AGAP3: variants seen among roughly 807,000 people sequenced by gnomAD.
AGAP3 encodes ArfGAP with GTPase domain, ankyrin repeat and PH domain 3.
AGAP3 carries 24 observed loss-of-function variants against 96.9 expected under a neutral mutation model. That is an observed-to-expected ratio of 0.25 (90% confidence interval 0.18 to 0.35). AGAP3 has a LOEUF of 0.35. AGAP3 is among the 10% of genes least tolerant of loss of function. The pLI, the probability that AGAP3 is intolerant of heterozygous loss-of-function variation, is 1.00. For synonymous variants in AGAP3, 563 were observed against 536.1 expected (o/e 1.05, Z -0.69); for missense variants, 876 against 1,254.2 (o/e 0.70, Z 4.55).
rs544588056 is a variant in AGAP3, at chr7:151,093,567, G to C, written c.331+6495G>C. ...CTGCCCGGCCTCCCCTCTCCTGGGA[G>C]GATCTGTGGTGAGCAGTCGGATGTG... On this transcript the variant is annotated intron_variant, in intron 1 of 17. Transcript: ENST00000397238. Among the ~76,000 whole-genome samples the C allele has an allele frequency of 5.9e-5, 9 of 152,342 alleles. No homozygotes were observed. In the East Asian group the frequency reaches 1.7e-3, roughly 29 times the overall value.
rs569877152 is a variant in AGAP3 at position 151,087,360 on chromosome 7, G to A, written c.331+288G>A. ...CCAGATCTGTCCAGGCCTGGCCGGGGAAGGTGGGCGCGGCAGAGGGCTTCA... is the reference window on the plus strand; with the variant it reads ...CCAGATCTGTCCAGGCCTGGCCGGGAAAGGTGGGCGCGGCAGAGGGCTTCA... On this transcript the variant is annotated intron_variant, in intron 1 of 17. Coordinates refer to ENST00000397238, the MANE Select transcript of AGAP3 (RefSeq NM_031946.7). Among the ~76,000 whole-genome samples, 23 of 152,330 alleles carry A rather than the reference G, an allele frequency of 1.5e-4. 1 individual carries two copies. The South Asian group carries it at 4.3e-3, about 29-fold the overall frequency.
chr7:151,112,304 G>A (rs960261542), intron 1 of AGAP3: 1 of 152,218 alleles, frequency 6.6e-6, no homozygotes, highest in African/African-American at 2.4e-5. Flanking sequence ...TTTCTCCTTG[G>A]ACTGATTCTG....
intron 1 of AGAP3, among the ~76,000 whole-genome samples, chr7:151,100,070 G>A (rs543973897): frequency 6.6e-6 from 1 of 152,340 alleles, no homozygotes; most frequent in South Asian, 2.1e-4. Context: ...TGAATGTCGG[G>A]AAGGACCCGG....
intron 10 of AGAP3, among the ~76,000 whole-genome samples, chr7:151,129,565 G>A (rs1362819943): frequency 9.2e-5 from 14 of 152,172 alleles, no homozygotes. Context: ...TCAGCTCAGG[G>A]GACAATGCCA....
Position 151,118,618 on chromosome 7 carries a change from G to A in AGAP3, c.955G>A (p.Val319Met), listed in dbSNP as rs61741392. 949 of 1,613,288 alleles carry A rather than the reference G, an allele frequency of 5.9e-4. 8 individuals carry two copies. The African/African-American group carries it at 0.01, about 18-fold the overall frequency. Residue 319 changes from valine (V) to methionine (M), a missense_variant, in exon 7 of 18, where the codon GTG becomes ATG. This residue lies in a region of AGAP3 where 100 missense variants were observed against 129.4 expected (regional missense o/e 0.77). Coordinates refer to ENST00000397238, the MANE Select transcript of AGAP3 (RefSeq NM_031946.7). The surrounding 1 kb of genome is among the most constrained non-coding windows in gnomAD (Gnocchi z 6.1). ...SAVSAASIPAVHINQATNGGG... is the reference protein window; with the variant it reads ...SAVSAASIPAMHINQATNGGG... ...CGTGTCCGCCGCCTCCATCCCGGCC[G>A]TGCACATCAACCAGGTTCGGCCTGT...
At position 151,094,363 on chromosome 7, in the gene AGAP3, G is replaced by A. The variant is rs114197713; in HGVS notation, c.331+7291G>A. ...TCTGGGGTCGGCACATTTTTAGGAC[G>A]TTTGCGGCACTCTGGCACCCTGCCC... is the stretch of plus-strand genomic sequence containing the variant. On this transcript the variant is annotated intron_variant, in intron 1 of 17. Coordinates refer to ENST00000397238, the MANE Select transcript of AGAP3 (RefSeq NM_031946.7). 2.4e-3 allele frequency among the ~76,000 whole-genome samples: 364 copies of A among 151,878 alleles called. 2 individuals are homozygous for A. Among genetic ancestry groups the A allele is most frequent in the African/African-American group, 8.1e-3 (337 of 41,406 alleles).
chr7:151,098,994 C>T (rs981757384), intron 1 of AGAP3, among the ~76,000 whole-genome samples: 23 of 151,814 alleles, frequency 1.5e-4, no homozygotes, highest in Admixed American at 1.3e-3. Context: ...CCTTGGCCTC[C>T]CAAAGCGCTG....
Position 151,138,153 on chromosome 7 carries a change from C to G in AGAP3, c.1506C>G (p.His502Gln), listed in dbSNP as rs780255972. The G allele has an allele frequency of 1.3e-6, 2 of 1,599,674 alleles. No homozygotes were observed. The highest frequency in any genetic ancestry group is 4.5e-5 in the East Asian group (2 of 44,082). ...CCTTCCCGCCCCCAGGTGCCCCCCACTCGGCCAGCAGCGCATCCCTGCACT... is the reference window on the plus strand; with the variant it reads ...CCTTCCCGCCCCCAGGTGCCCCCCAGTCGGCCAGCAGCGCATCCCTGCACT... Reference protein sequence around the residue: ...TQLGGGTGAPHSASSASLHSE... With the variant: ...TQLGGGTGAPQSASSASLHSE... Residue 502 changes from histidine (H) to glutamine (Q), a missense_variant, in exon 12 of 18, where the codon CAC becomes CAG. Transcript: ENST00000397238.
At chr7:151,137,862 A>G (rs1245925924) in intron 11 of AGAP3, 1 of 474,462 alleles carries the variant, frequency 2.1e-6, no homozygotes, top group East Asian at 3.8e-5. Flanking sequence ...TCGTTCCACA[A>G]GTTGGAAGAT....
intron 10 of AGAP3, among the ~76,000 whole-genome samples, chr7:151,134,022 C>A (rs1800497041): frequency 6.6e-6 from 1 of 152,190 alleles, no homozygotes; most frequent in South Asian, 2.1e-4. Flanking sequence ...TCATCCATGT[C>A]CCCGAGTGTC....
rs757379434 is a variant in AGAP3, at chr7:151,143,918, T to G, written c.2711T>G (p.Leu904Arg). 57 of 1,613,920 alleles carry G rather than the reference T, an allele frequency of 3.5e-5. No homozygotes were observed. The highest frequency in any genetic ancestry group is 3.0e-5 in the Non-Finnish European group (35 of 1,180,004). Residue 904 changes from leucine (L) to arginine (R), a missense_variant, in exon 18 of 18, where the codon CTG becomes CGG. By Grantham distance (102) the Leu-to-Arg change is moderately radical. Transcript: ENST00000397238. This position sits in a 1 kb window ranked among gnomAD's most constrained non-coding sequence, Gnocchi z 5.9. ...PANGTNPSAE[L>R]HRSPSLL ...AATGGCACCAACCCCTCTGCTGAGCTGCACCGTAGTCCTAGCCTCCTATAA... is the reference window on the plus strand; with the variant it reads ...AATGGCACCAACCCCTCTGCTGAGCGGCACCGTAGTCCTAGCCTCCTATAA...
At chr7:151,119,662 G>C (rs2150478469) in intron 7 of AGAP3, among the ~76,000 whole-genome samples, 2 of 152,332 alleles carry the variant, frequency 1.3e-5, no homozygotes, top group Middle Eastern at 6.8e-3. Flanking sequence ...ACTCCAGTCT[G>C]TTCACTGCCA....
Position 151,116,895 on chromosome 7 carries a change from G to GT in AGAP3, c.390+44_390+45insT, listed in dbSNP as rs750117069. 6.2e-6 allele frequency: 10 copies of GT among 1,611,100 alleles called. No individual in the cohort carries two copies. The South Asian group carries it at 6.6e-5, about 11-fold the overall frequency. On this transcript the variant is annotated intron_variant, in intron 2 of 17. Transcript: ENST00000397238. Reference sequence around the variant, plus strand: ...CAGCACCGGCGGCCTGGAGCTGGGGGGGCGAGGCTGGGTGCCGCGGGCCTG... The same window carrying GT: ...CAGCACCGGCGGCCTGGAGCTGGGGGTGGCGAGGCTGGGTGCCGCGGGCCTG...
At chr7:151,116,694 C>A in intron 1 of AGAP3, 99 bp from the exon 2 acceptor site, 5 of 1,397,894 alleles carry the variant, frequency 3.6e-6, no homozygotes, top group Admixed American at 1.7e-5. Flanking sequence ...GTCCTCTGGC[C>A]TGGGCTTGGG....
At position 151,087,082 on chromosome 7, in the gene AGAP3, G is replaced by A. The variant is rs761417162; in HGVS notation, c.331+10G>A. 1 of 1,584,602 alleles carries A rather than the reference G, an allele frequency of 6.3e-7. No homozygotes were observed. The highest frequency in any genetic ancestry group is 8.6e-7 in the Non-Finnish European group (1 of 1,165,470). On this transcript the variant is annotated intron_variant, in intron 1 of 17. Coordinates refer to ENST00000397238, the MANE Select transcript of AGAP3 (RefSeq NM_031946.7). Reference sequence around the variant, plus strand: ...GTCATCTCCATCGAGGGTGAGCGGAGCCGGGGGCTGCGGGAGCCGGGGCGC... The same window carrying A: ...GTCATCTCCATCGAGGGTGAGCGGAACCGGGGGCTGCGGGAGCCGGGGCGC...
chr7:151,093,071 A>G (rs1427436694), intron 1 of AGAP3, among the ~76,000 whole-genome samples: 1 of 152,198 alleles, frequency 6.6e-6, no homozygotes, highest in African/African-American at 2.4e-5. Context: ...GCACGGATGT[A>G]GCGTACAATA....
intron 8 of AGAP3, chr7:151,123,140 C>G: frequency 9.1e-7 from 1 of 1,101,498 alleles, no homozygotes; most frequent in Non-Finnish European, 1.1e-6. Flanking sequence ...CTGCCCCTCC[C>G]CTCCTCTGCT....
At position 151,112,396 on chromosome 7, in the gene AGAP3, C is replaced by CGTGTGTGTGT. The variant is rs71819427; in HGVS notation, c.332-4366_332-4357dup. Among the ~76,000 whole-genome samples the CGTGTGTGTGT allele has an allele frequency of 2.8e-3, 385 of 139,932 alleles. 1 individual carries two copies. Among genetic ancestry groups the CGTGTGTGTGT allele is most frequent in the Admixed American group, 4.4e-3 (61 of 13,742 alleles). The allele number at this position is 139,932 out of a possible 152,430, so 91.8% of individuals were successfully genotyped here. A position where few individuals can be genotyped will look rare whatever the true frequency, so the allele number is the denominator to read the frequency against. On this transcript the variant is annotated intron_variant, in intron 1 of 17. Transcript: ENST00000397238. Reference sequence around the variant, plus strand: ...GGATTGCTGCCTGCCTTCCCCGAGACGTGTGTGTGTGTGTGTGTGTGTGTG... The same window carrying CGTGTGTGTGT: ...GGATTGCTGCCTGCCTTCCCCGAGACGTGTGTGTGTGTGTGTGTGTGTGTGTGTGTGTGTG...
chr7:151,115,741 G>T (rs1799545119), intron 1 of AGAP3: 5 of 769,264 alleles, frequency 6.5e-6, no homozygotes, highest in Non-Finnish European at 8.1e-6. Context: ...GTCCGGGGCT[G>T]GCGGGGTCTG....
Sources: allele counts gnomAD v4.1 joint callset (sites outside exome capture counted in the v4.1 genomes callset), GRCh38; gene constraint gnomAD v4.1.1; regional missense constraint gnomAD v4.1.1; non-coding constraint Gnocchi (gnomAD v3.1); transcripts MANE v1.5; gene names NCBI Gene and HGNC (gene_info 2026-07-23, HGNC 2026-07-21).